EML6: variants seen among roughly 807,000 people sequenced by gnomAD.
EML6 encodes the protein EMAP like 6, also known as echinoderm microtubule-associated protein-like 6.
EML6 carries 154 observed loss-of-function variants against 240.1 expected under a neutral mutation model. That is an observed-to-expected ratio of 0.64 (90% CI 0.56 to 0.73). The LOEUF (loss-of-function observed/expected upper bound fraction) is 0.73. EML6 is among the 30% of genes least tolerant of loss of function. The pLI is 0.00. For synonymous variants in EML6, 1,148 were observed against 899.0 expected, an observed-to-expected ratio of 1.28 and a Z score of -4.95; for missense variants, 2,964 against 2,474.6, an observed-to-expected ratio of 1.20 and a Z score of -4.20.
At chr2:54,968,638 T>C in intron 40 of EML6, 30 bp from the exon 41 acceptor site, 1 of 1,359,364 alleles carries the variant, frequency 7.4e-7, no homozygotes, top group Non-Finnish European at 1.0e-6. Context: ...CCAGGGTCTC[T>C]TAGCTGTCTC....
chr2:54,937,394 G>A (rs1465212314), intron 28 of EML6, among the ~76,000 whole-genome samples: 1 of 151,566 alleles, frequency 6.6e-6, no homozygotes, highest in Non-Finnish European at 1.5e-5. Context: ...AATATAGGGA[G>A]ACCTTGTCTC....
intron 15 of EML6, among the ~76,000 whole-genome samples, chr2:54,870,560 A>G (rs1293632015): frequency 6.6e-6 from 1 of 152,224 alleles, no homozygotes; most frequent in Admixed American, 6.5e-5. Context: ...AGCTGATGTT[A>G]TAAGGTTTTA....
At chr2:54,933,484 C>T (rs1214507057) in intron 28 of EML6, among the ~76,000 whole-genome samples, 1 of 152,102 alleles carries the variant, frequency 6.6e-6, no homozygotes, top group East Asian at 1.9e-4. Flanking sequence ...CCTGTAATCC[C>T]AGAATTTGGG....
intron 16 of EML6, among the ~76,000 whole-genome samples, chr2:54,873,543 C>G (rs1213891539): frequency 2.0e-5 from 3 of 151,846 alleles, no homozygotes; most frequent in Admixed American, 2.0e-4. Context: ...CTAAAAGAAG[C>G]TGTAATTTTA....
chr2:54,777,482 C>T (rs1668652398), intron 2 of EML6, among the ~76,000 whole-genome samples: 1 of 152,144 alleles, frequency 6.6e-6, no homozygotes, highest in Middle Eastern at 3.2e-3. Flanking sequence ...AACTTTTGGT[C>T]CACTATTAGC....
At chr2:54,903,277 C>G in intron 23 of EML6, 81 bp downstream of exon 23, 1 of 1,521,682 alleles carries the variant, frequency 6.6e-7, no homozygotes, top group East Asian at 2.5e-5. Flanking sequence ...TCAAATGTTT[C>G]TTTGACCATT....
intron 2 of EML6, among the ~76,000 whole-genome samples, chr2:54,791,090 C>T (rs1467199318): frequency 6.6e-6 from 1 of 152,150 alleles, no homozygotes; most frequent in Non-Finnish European, 1.5e-5. Context: ...TATCACCATT[C>T]AGCATTTCTT....
intron 2 of EML6, among the ~76,000 whole-genome samples, chr2:54,782,651 A>G (rs1014877149): frequency 2.7e-5 from 4 of 145,958 alleles, no homozygotes; most frequent in African/African-American, 7.6e-5. Context: ...AAGTATCTCT[A>G]TTAGACCTAC....
At chr2:54,802,618 A>ATAC (rs56119525) in intron 2 of EML6, among the ~76,000 whole-genome samples, 21,994 of 139,748 alleles carry the variant, frequency 0.16, 1,801 homozygotes, top group Admixed American at 0.22. Context: ...ACCCTGTCTC[A>ATAC]TACTACTACT....
intron 12 of EML6, among the ~76,000 whole-genome samples, chr2:54,861,794 G>C (rs200243858): frequency 6.8e-5 from 9 of 132,772 alleles, no homozygotes; most frequent in East Asian, 2.2e-4. Flanking sequence ...TTAATCTAAT[G>C]CACAGAAACC....
chr2:54,727,812 T>G (rs1319961321), intron 2 of EML6, among the ~76,000 whole-genome samples: 3 of 152,236 alleles, frequency 2.0e-5, no homozygotes, highest in Non-Finnish European at 4.4e-5. Flanking sequence ...TTATTTTTTG[T>G]GCTGTTTTGC....
intron 28 of EML6, among the ~76,000 whole-genome samples, chr2:54,929,426 T>C (rs751161907): frequency 2.6e-5 from 4 of 152,228 alleles, no homozygotes; most frequent in Non-Finnish European, 5.9e-5. Flanking sequence ...ACTATATTAC[T>C]TAATTTATCA....
intron 2 of EML6, among the ~76,000 whole-genome samples, chr2:54,797,670 C>G (rs142555468): frequency 6.5e-4 from 98 of 151,622 alleles, no homozygotes; most frequent in African/African-American, 2.2e-3. Flanking sequence ...CAGCTAAGGT[C>G]TTTGGGAAGT....
Position 54,944,164 on chromosome 2 carries a change from C to G in EML6, c.4005-4718C>G, listed in dbSNP as rs1035247524. ...TATCCCACCCATTGGCTAGTGATTCCCAGGGTCATGTCACTGACTCCCATC... is the reference window on the plus strand; with the variant it reads ...TATCCCACCCATTGGCTAGTGATTCGCAGGGTCATGTCACTGACTCCCATC... On this transcript the variant is annotated intron_variant, in intron 28 of 41. Transcript: ENST00000356458. Among the ~76,000 whole-genome samples, 3 of 152,058 alleles carry G rather than the reference C, an allele frequency of 2.0e-5. No individual in the cohort carries two copies. In the East Asian group the frequency reaches 5.8e-4, roughly 29 times the overall value.
At chr2:54,845,757 G>A (rs1034081571) in intron 8 of EML6, among the ~76,000 whole-genome samples, 7 of 152,090 alleles carry the variant, frequency 4.6e-5, no homozygotes, top group South Asian at 2.1e-4. Flanking sequence ...CTAAGGGACC[G>A]GTAAGCTATT....
At chr2:54,736,435 A>G (rs1037748151) in intron 2 of EML6, among the ~76,000 whole-genome samples, 1 of 152,206 alleles carries the variant, frequency 6.6e-6, no homozygotes, top group African/African-American at 2.4e-5. Context: ...TGGGCATGGC[A>G]GTTACCTTTT....
intron 26 of EML6, among the ~76,000 whole-genome samples, chr2:54,925,492 C>G (rs1270637304): frequency 6.6e-6 from 1 of 152,178 alleles, no homozygotes; most frequent in African/African-American, 2.4e-5. Flanking sequence ...AATTCAAGTT[C>G]CGTTTGTTGG....
intron 7 of EML6, among the ~76,000 whole-genome samples, chr2:54,841,869 A>AG (rs1254117164): frequency 6.6e-6 from 1 of 151,980 alleles, no homozygotes; most frequent in African/African-American, 2.4e-5. Context: ...TTGGGATTAC[A>AG]GGCATGAGCC....
rs888584268 is a variant in EML6, at chr2:54,853,676, A to G, written c.1478A>G (p.Lys493Arg). The change falls in exon 11 of 42, where the codon AAA becomes AGA. Residue 493 changes from lysine (K) to arginine (R), a missense_variant. Transcript: ENST00000356458. ...GKPLTSKEEI[K>R]GIPWASWTCV... ...CCTTTAACAAGTAAAGAAGAAATTA[A>G]AGGGATTCCTTGGGCCTCCTGGACA... 3.0e-5 allele frequency: 46 copies of G among 1,548,900 alleles called. No individual in the cohort carries two copies. The highest frequency in any genetic ancestry group is 3.3e-4 in the Middle Eastern group (2 of 5,984).
Sources: gnomAD v4.1 joint callset for allele counts (sites outside exome capture counted in the v4.1 genomes callset) on GRCh38, gnomAD v4.1.1 for gene constraint, MANE v1.5 for transcripts, NCBI Gene and HGNC (gene_info 2026-07-23, HGNC 2026-07-21) for gene names.